Variants in IL18BP observed in about 807,000 individuals in gnomAD.
IL18BP encodes interleukin 18 binding protein, also known as interleukin-18-binding protein.
A neutral mutation model predicts 19.9 loss-of-function variants in IL18BP; 23 were observed. That is an observed-to-expected ratio of 1.15 (90% CI 0.83 to 1.64). IL18BP has a LOEUF of 1.64. Ranked by LOEUF, IL18BP falls within the 40% of genes most tolerant of loss-of-function variation. The probability of loss-of-function intolerance (pLI) is 0.00; values close to 1 mark genes in which losing one functional copy is unlikely to be tolerated. For missense variants in IL18BP, 239 were observed against 240.7 expected (o/e 0.99, Z 0.05); for synonymous variants, 107 against 101.0 (o/e 1.06, Z -0.35).
downstream of IL18BP, chr11:72,005,460 AC>A: frequency 1.6e-6 from 2 of 1,270,872 alleles, no homozygotes; most frequent in Non-Finnish European, 1.1e-6. Context: ...GCTGCCACCT[AC>A]CCCATAAACT....
chr11:72,006,073 C>T (rs114826188), downstream of IL18BP: 123 of 1,613,770 alleles, frequency 7.6e-5, no homozygotes, highest in African/African-American at 1.0e-3. Flanking sequence ...CTGGGAACGA[C>T]GAGCAGAACT....
chr11:72,004,914 G>C (rs1166221135), downstream of IL18BP: 2 of 1,199,034 alleles, frequency 1.7e-6, no homozygotes, highest in Non-Finnish European at 2.3e-6. Flanking sequence ...CGACACTTAT[G>C]GTCGGGACCC....
downstream of IL18BP, chr11:72,004,129 C>T (rs753089122): frequency 1.1e-5 from 18 of 1,612,026 alleles, no homozygotes; most frequent in Middle Eastern, 1.7e-4. Flanking sequence ...GACCGGGAGA[C>T]CCAATGCTGC....
chr11:72,005,295 G>A (rs1482097113), downstream of IL18BP: 1 of 1,609,716 alleles, frequency 6.2e-7, no homozygotes, highest in South Asian at 1.1e-5. Flanking sequence ...CGCTGCTGCA[G>A]CTCTGCAATG....
At chr11:72,004,570 T>C (rs1371971101), downstream of IL18BP, 19 of 1,500,528 alleles carry the variant, frequency 1.3e-5, no homozygotes, top group East Asian at 4.1e-4. Context: ...AAGGCTCCCT[T>C]TAGTCCTTGG....
At chr11:72,004,899 T>C, downstream of IL18BP, 2 of 1,328,708 alleles carry the variant, frequency 1.5e-6, no homozygotes, top group Non-Finnish European at 2.0e-6. Flanking sequence ...AACTCTACAC[T>C]CGCCCGACAC....
In IL18BP at chr11:72,000,411, C is replaced by T; in HGVS notation, c.89C>T (p.Ala30Val). ...CACGTCGTCACTCTCCTGGTCAGAG[C>T]CACACCTGTCTCGCAGACCACCACA... Reference protein sequence around the residue: ...CAHVVTLLVRATPVSQTTTAA... With the variant: ...CAHVVTLLVRVTPVSQTTTAA... The change falls in exon 3 of 6, where the codon GCC becomes GTC. Residue 30 changes from alanine to valine, a missense_variant. By Grantham distance (64) the Ala-to-Val change is moderately conservative (BLOSUM62 0). Transcript: ENST00000393703. 6.2e-7 allele frequency: 1 copy of T among 1,614,108 alleles called. No individual in the cohort carries two copies. Among genetic ancestry groups the T allele is most frequent in the Non-Finnish European group, 8.5e-7 (1 of 1,180,024 alleles).
Position 72,001,919 on chromosome 11 carries a change from C to T in IL18BP, c.*58C>T. ...TGACCAGAGCTTGGGTCCTACCTGT[C>T]TACCTGGAGTGAACAGTCCCTGACT... On this transcript the variant is annotated 3_prime_UTR_variant, in exon 6 of 6. Transcript: ENST00000393703. 6.2e-7 allele frequency: 1 copy of T among 1,609,810 alleles called. No individual in the cohort carries two copies. The highest frequency in any genetic ancestry group is 8.5e-7 in the Non-Finnish European group (1 of 1,177,964).
chr11:72,005,993 A>T, downstream of IL18BP: 1 of 1,458,380 alleles, frequency 6.9e-7, no homozygotes, highest in Non-Finnish European at 9.4e-7. Flanking sequence ...TCCACCTTCC[A>T]GTCTAATTTT....
At chr11:72,001,588 G>A in intron 5 of IL18BP, 36 bp downstream of exon 5, 2 of 1,601,506 alleles carry the variant, frequency 1.2e-6, no homozygotes, top group Non-Finnish European at 1.7e-6. Flanking sequence ...AGGAACAGGA[G>A]GAGCTCTGCT....
chr11:72,007,587 A>G, downstream of IL18BP: 2 of 963,910 alleles, frequency 2.1e-6, no homozygotes, highest in Non-Finnish European at 3.1e-6. Flanking sequence ...CAAGGAAAGC[A>G]CTTGACCTGG....
At chr11:72,003,863 C>T, downstream of IL18BP, 8 of 1,611,344 alleles carry the variant, frequency 5.0e-6, no homozygotes, top group Non-Finnish European at 5.9e-6. Flanking sequence ...GGGTTTCCCT[C>T]CCCCATCCTG....
intron 3 of IL18BP, among the ~76,000 whole-genome samples, chr11:72,000,866 A>G (rs1481520552): frequency 2.6e-5 from 4 of 152,160 alleles, no homozygotes; most frequent in Non-Finnish European, 5.9e-5. Flanking sequence ...TGGCCATCTC[A>G]GAGGAGCAGC....
downstream of IL18BP, chr11:72,003,503 G>C: frequency 6.2e-7 from 1 of 1,613,082 alleles, no homozygotes; most frequent in East Asian, 2.2e-5. Context: ...GACACAGGTG[G>C]GGCCACTCAC....
chr11:71,999,627 G>A (rs1355716940), intron 1 of IL18BP: 2 of 269,622 alleles, frequency 7.4e-6, no homozygotes, highest in East Asian at 1.7e-4. Flanking sequence ...AAGCAGCTCT[G>A]GTGCTGAAGA....
At position 72,001,871 on chromosome 11, in the gene IL18BP, C is replaced by G. The variant is rs749355031; in HGVS notation, c.*10C>G. ...ACAGCAGCAGGGTTAAGACTCAGCA[C>G]AGGGCCAGCAGCAGCACAACCTTGA... On this transcript the variant is annotated 3_prime_UTR_variant, in exon 6 of 6. Coordinates refer to ENST00000393703, the MANE Select transcript of IL18BP (RefSeq NM_001039660.2). 2 of 1,614,162 alleles carry G rather than the reference C, an allele frequency of 1.2e-6. No homozygotes were observed. The highest frequency in any genetic ancestry group is 4.5e-5 in the East Asian group (2 of 44,892).
downstream of IL18BP, chr11:72,004,191 G>A: frequency 6.2e-7 from 1 of 1,604,172 alleles, no homozygotes; most frequent in South Asian, 1.1e-5. Context: ...TCCCGCCAGG[G>A]CGTCGCTTCA....
chr11:71,999,405 C>T (rs1294436492), intron 1 of IL18BP: 1 of 244,674 alleles, frequency 4.1e-6, no homozygotes, highest in Non-Finnish European at 8.3e-6. Flanking sequence ...CCTAGGTGAC[C>T]CTGGGGGTGG....
rs1590838404 is a variant in IL18BP at position 72,002,421 on chromosome 11, A to C, written c.*560A>C. On this transcript the variant is annotated 3_prime_UTR_variant, in exon 6 of 6. Coordinates refer to ENST00000393703, the MANE Select transcript of IL18BP (RefSeq NM_001039660.2). Reference sequence around the variant, plus strand: ...CTGTATGTTTTTTTTTTCCCCCTTCACTCTAATGGACTGTTCCAGGGAAGG... The same window carrying C: ...CTGTATGTTTTTTTTTTCCCCCTTCCCTCTAATGGACTGTTCCAGGGAAGG... 1.0e-4 allele frequency: 16 copies of C among 154,628 alleles called. No homozygotes were observed. Among genetic ancestry groups the C allele is most frequent in the East Asian group, 1.9e-4 (1 of 5,258 alleles). The allele number at this position is 154,628 out of a possible 1,614,324, so 9.6% of individuals were successfully genotyped here. A position where few individuals can be genotyped will look rare whatever the true frequency, so the allele number is the denominator to read the frequency against.
Sources: gnomAD v4.1 joint callset for allele counts (sites outside exome capture counted in the v4.1 genomes callset) on GRCh38, gnomAD v4.1.1 for gene constraint, MANE v1.5 for transcripts, NCBI Gene and HGNC (gene_info 2026-07-23, HGNC 2026-07-21) for gene names.